TAFA2: variants seen among roughly 807,000 people sequenced by gnomAD.
The protein encoded by TAFA2 is TAFA chemokine like family member 2.
In TAFA2, 7 loss-of-function variants were observed where a neutral mutation model predicts 18.8. The observed-to-expected ratio is 0.37, with a 90% CI of 0.21 to 0.70. The LOEUF is 0.70. Among genes scored for constraint, TAFA2 ranks in the 30% least tolerant of loss-of-function variants. The probability of loss-of-function intolerance (pLI) is 0.53; values close to 1 mark genes in which losing one functional copy is unlikely to be tolerated. For synonymous variants in TAFA2, 60 were observed against 54.2 expected (o/e 1.11, Z -0.47); for missense variants, 122 against 158.1 (o/e 0.77, Z 1.23).
chr12:61,845,093 A>G (rs976583272), intron 2 of TAFA2, among the ~76,000 whole-genome samples: 2 of 152,044 alleles, frequency 1.3e-5, no homozygotes, highest in African/African-American at 2.4e-5. Context: ...CAACAAAGGT[A>G]TTTCATAAAT....
intron 2 of TAFA2, among the ~76,000 whole-genome samples, chr12:61,797,337 CTGCTCCTT>C (rs538696557): frequency 4.2e-4 from 64 of 152,240 alleles, no homozygotes; most frequent in Admixed American, 2.0e-4. Context: ...AGGAAGACTT[CTGCTCCTT>C]TGGAGAAAAA....
intron 1 of TAFA2, among the ~76,000 whole-genome samples, chr12:62,078,943 G>A (rs1291955631): frequency 6.6e-6 from 1 of 152,196 alleles, no homozygotes; most frequent in Admixed American, 6.5e-5. Context: ...GCTCCACCCT[G>A]GTTCACTTTG....
chr12:62,188,029 A>C (rs79715753), intron 1 of TAFA2, among the ~76,000 whole-genome samples: 3,379 of 152,274 alleles, frequency 0.022, 128 homozygotes, highest in African/African-American at 0.076. Context: ...TATCATGTGA[A>C]ATTTTGTGTA....
upstream of TAFA2, among the ~76,000 whole-genome samples, chr12:62,259,319 G>A (rs1482349247): frequency 6.6e-6 from 1 of 152,144 alleles, no homozygotes; most frequent in Non-Finnish European, 1.5e-5. Context: ...ATGTCCATCA[G>A]TACTGTGCTA....
chr12:61,723,410 T>C (rs149031521), intron 4 of TAFA2, among the ~76,000 whole-genome samples: 4 of 152,210 alleles, frequency 2.6e-5, no homozygotes, highest in Non-Finnish European at 4.4e-5. Flanking sequence ...AATGAATTAA[T>C]ATAAGGAAAA....
At chr12:62,244,285 C>A (rs1592417557) in intron 1 of TAFA2, among the ~76,000 whole-genome samples, 1 of 139,806 alleles carries the variant, frequency 7.2e-6, no homozygotes, top group Non-Finnish European at 1.5e-5. Context: ...TACGGAAGAA[C>A]AAAGATAGAT....
At chr12:62,193,408 C>G (rs1349779501), upstream of TAFA2, among the ~76,000 whole-genome samples, 1 of 152,162 alleles carries the variant, frequency 6.6e-6, no homozygotes, top group Non-Finnish European at 1.5e-5. Flanking sequence ...CTCTAAAGGT[C>G]TGTGCTTTTA....
At chr12:61,836,944 G>A (rs1339573253) in intron 2 of TAFA2, among the ~76,000 whole-genome samples, 2 of 151,002 alleles carry the variant, frequency 1.3e-5, no homozygotes, top group Non-Finnish European at 3.0e-5. Flanking sequence ...TTTATTATCT[G>A]TCATAAATAC....
At chr12:61,985,269 A>C (rs1300607598) in intron 1 of TAFA2, among the ~76,000 whole-genome samples, 1 of 152,256 alleles carries the variant, frequency 6.6e-6, no homozygotes, top group Non-Finnish European at 1.5e-5. Context: ...AAAAAAGAAC[A>C]TAAAAATATG....
intron 1 of TAFA2, among the ~76,000 whole-genome samples, chr12:61,898,514 A>T (rs913210099): frequency 6.6e-6 from 1 of 152,172 alleles, no homozygotes; most frequent in African/African-American, 2.4e-5. Flanking sequence ...ACTTCTGTAA[A>T]CCCACAGGAC....
intron 1 of TAFA2, among the ~76,000 whole-genome samples, chr12:61,994,057 AAGTAATACAATTAGATATTCT>A (rs1241423631): frequency 1.3e-5 from 2 of 152,154 alleles, no homozygotes; most frequent in East Asian, 3.9e-4. Flanking sequence ...GCTTGCTTTT[AAGTAATACAATTAGATATTCT>A]ATGCACATGA....
At chr12:61,894,249 C>T (rs1875749157) in intron 1 of TAFA2, among the ~76,000 whole-genome samples, 2 of 152,126 alleles carry the variant, frequency 1.3e-5, no homozygotes, top group Admixed American at 6.5e-5. Flanking sequence ...TCCTAAATAA[C>T]ATTTCTCTTC....
chr12:62,124,901 G>T (rs950213991), intron 1 of TAFA2, among the ~76,000 whole-genome samples: 1 of 152,062 alleles, frequency 6.6e-6, no homozygotes, highest in Non-Finnish European at 1.5e-5. Flanking sequence ...GGTCAATCAA[G>T]ACTCCAGCCC....
At chr12:62,230,033 T>A (rs113939050) in intron 1 of TAFA2, among the ~76,000 whole-genome samples, 6,497 of 152,186 alleles carry the variant, frequency 0.043, 161 homozygotes, top group African/African-American at 0.046. Context: ...TTCATAATAG[T>A]CTTTAATGAT....
intron 1 of TAFA2, among the ~76,000 whole-genome samples, chr12:61,869,220 G>T (rs1441176335): frequency 1.3e-5 from 2 of 152,048 alleles, no homozygotes; most frequent in Non-Finnish European, 2.9e-5. Flanking sequence ...CAGACTGTTG[G>T]GGTTTAAAAC....
At chr12:62,124,916 C>G (rs1241179496) in intron 1 of TAFA2, among the ~76,000 whole-genome samples, 1 of 152,136 alleles carries the variant, frequency 6.6e-6, no homozygotes, top group Non-Finnish European at 1.5e-5. Flanking sequence ...CAGCCCATAA[C>G]TCACTACATA....
At chr12:62,079,469 A>C (rs1335539282) in intron 1 of TAFA2, among the ~76,000 whole-genome samples, 1 of 150,800 alleles carries the variant, frequency 6.6e-6, no homozygotes, top group Non-Finnish European at 1.5e-5. Flanking sequence ...TCTGGCCAAC[A>C]TGGTGAAACC....
chr12:61,955,633 A>ATATT (rs1555178792), intron 1 of TAFA2, among the ~76,000 whole-genome samples: 28 of 8,770 alleles, frequency 3.2e-3, no homozygotes, highest in Non-Finnish European at 5.2e-3. Flanking sequence ...AAAAAAAAAA[A>ATATT]TATATATATA....
intron 2 of TAFA2, among the ~76,000 whole-genome samples, chr12:61,866,469 A>G (rs1215276519): frequency 6.6e-6 from 1 of 152,226 alleles, no homozygotes; most frequent in African/African-American, 2.4e-5. Flanking sequence ...AGAGAACTAA[A>G]TTATAAAATC....
Sources: gnomAD v4.1 joint callset for allele counts (sites outside exome capture counted in the v4.1 genomes callset) on GRCh38, gnomAD v4.1.1 for gene constraint, MANE v1.5 for transcripts, NCBI Gene and HGNC (gene_info 2026-07-23, HGNC 2026-07-21) for gene names.